The following JRK variants were observed in gnomAD, a reference collection of about 807,000 sequenced individuals.
The protein encoded by JRK is jerky protein homolog.
For synonymous variants in JRK, 303 were observed against 218.1 expected, an observed-to-expected ratio of 1.39 and a Z score of -3.43; for missense variants, 720 against 509.2, an observed-to-expected ratio of 1.41 and a Z score of -3.98.
In JRK at chr8:142,659,872, C is replaced by A; in HGVS notation, c.*4480G>T. 1 of 985,648 alleles carries A rather than the reference C, an allele frequency of 1.0e-6. No homozygotes were observed. The highest frequency in any genetic ancestry group is 1.2e-6 in the Non-Finnish European group (1 of 830,056). 61.1% of individuals were successfully genotyped at this position (985,648 alleles called of 1,614,324 possible). A position where few individuals can be genotyped will look rare whatever the true frequency, so the allele number is the denominator to read the frequency against. ...CCCCTCCCTGGGCCCCAGTCTCATC[C>A]CTAAACAGGAGTGACCCCACCTCAT... is the stretch of plus-strand genomic sequence containing the variant. On this transcript the variant is annotated 3_prime_UTR_variant, in exon 2 of 2. Transcript: ENST00000612905.
chr8:142,653,448 A>G (rs1451372903), downstream of JRK, among the ~76,000 whole-genome samples: 1 of 152,186 alleles, frequency 6.6e-6, no homozygotes, highest in Non-Finnish European at 1.5e-5. Flanking sequence ...ATCATGGCAC[A>G]GTGTGGCCTT....
At chr8:142,645,286 T>C in the JRK span, among the ~76,000 whole-genome samples, 1 of 152,178 alleles carries the variant, frequency 6.6e-6, no homozygotes, top group Non-Finnish European at 1.5e-5. Flanking sequence ...ATGTAATAAA[T>C]TTAATTTTAA....
At chr8:142,667,401 G>A (rs1291353648) in intron 1 of JRK, among the ~76,000 whole-genome samples, 2 of 151,370 alleles carry the variant, frequency 1.3e-5, no homozygotes, top group Non-Finnish European at 1.5e-5. Context: ...CGGCAGGGCC[G>A]CAGAGCCTGC....
downstream of JRK, among the ~76,000 whole-genome samples, chr8:142,654,100 A>G (rs587627084): frequency 2.0e-5 from 3 of 152,254 alleles, no homozygotes; most frequent in South Asian, 6.2e-4. Flanking sequence ...GGGTCTGCTG[A>G]TTGGTATCAA....
chr8:142,653,941 T>G (rs1554633404), downstream of JRK, among the ~76,000 whole-genome samples: 1 of 152,214 alleles, frequency 6.6e-6, no homozygotes, highest in Non-Finnish European at 1.5e-5. Flanking sequence ...TCTATGTATA[T>G]TCAACTCTTT....
the JRK span, among the ~76,000 whole-genome samples, chr8:142,648,483 C>T: frequency 3.3e-5 from 5 of 152,350 alleles, no homozygotes; most frequent in South Asian, 1.0e-3. Flanking sequence ...GAGGGGCCAA[C>T]ATAGAGCTCA....
At position 142,664,471 on chromosome 8, in the gene JRK, T is replaced by G. The variant is rs1554635108; in HGVS notation, c.1588A>C (p.Arg530=). The change falls in exon 2 of 2, where the codon AGG becomes CGG. Residue 530 remains arginine (R), a synonymous_variant. Transcript: ENST00000612905. ...ACAGCCCCGAGGGCACCACGCCGCC[T>G]CCTCACCTGCTGCTGGCTCCGGAAC... The part of the protein sequence containing the change: ...AVFRSQQQVR[R]RRGALGAVVK... 2.5e-6 allele frequency: 4 copies of G among 1,610,698 alleles called. No homozygotes were observed. The highest frequency in any genetic ancestry group is 3.4e-6 in the Non-Finnish European group (4 of 1,178,568).
At chr8:142,645,425 A>G in the JRK span, among the ~76,000 whole-genome samples, 2 of 152,208 alleles carry the variant, frequency 1.3e-5, no homozygotes, top group Admixed American at 6.5e-5. Context: ...CATGCCTGCA[A>G]TCCTAGCACT....
chr8:142,652,960 T>G (rs951487196), downstream of JRK, among the ~76,000 whole-genome samples: 11 of 152,284 alleles, frequency 7.2e-5, no homozygotes, highest in South Asian at 6.2e-4. Context: ...ACTGGCCAGG[T>G]ACCCCACGGT....
At chr8:142,651,712 C>T in the JRK span, among the ~76,000 whole-genome samples, 2 of 152,082 alleles carry the variant, frequency 1.3e-5, no homozygotes, top group Non-Finnish European at 2.9e-5. Context: ...AAGAGCAAAG[C>T]AAAACAAACA....
chr8:142,664,261 C>T lies in JRK; in HGVS notation c.*91G>A. ...GCTCTTGAGTGTCTGCACATGCCCT[C>T]CTGCCTCAGGTGGGGTCGGGGCACA... On this transcript the variant is annotated 3_prime_UTR_variant, in exon 2 of 2. Transcript: ENST00000612905. 13 of 1,448,978 alleles carry T rather than the reference C, an allele frequency of 9.0e-6. No individual in the cohort carries two copies. In the South Asian group the frequency reaches 2.0e-4, roughly 22 times the overall value. The allele number at this position is 1,448,978 out of a possible 1,614,324, so 89.8% of individuals were successfully genotyped here.
intron 1 of JRK, among the ~76,000 whole-genome samples, chr8:142,668,264 G>T (rs73379638): frequency 0.012 from 1,838 of 152,376 alleles, 34 homozygotes; most frequent in African/African-American, 0.042. Flanking sequence ...TCAAGGGAAA[G>T]GAGGAGTGCA....
chr8:142,648,849 C>A, the JRK span, among the ~76,000 whole-genome samples: 1,216 of 152,338 alleles, frequency 8.0e-3, 20 homozygotes, highest in African/African-American at 0.028. Flanking sequence ...ACACTCAACA[C>A]CAGCCCATGA....
chr8:142,658,566 G>A lies in JRK; in HGVS notation c.*5786C>T, dbSNP rs80055830. The A allele has an allele frequency of 1.5e-3, 413 of 267,700 alleles. 1 individual carries two copies. Among genetic ancestry groups the A allele is most frequent in the African/African-American group, 8.3e-3 (375 of 45,450 alleles). 16.6% of individuals were successfully genotyped at this position (267,700 alleles called of 1,614,324 possible). A position where few individuals can be genotyped will look rare whatever the true frequency, so the allele number is the denominator to read the frequency against. ...TGCTCACACAGCACAAAGTGACCTC[G>A]CTCTAGTTCCTTCCTTTTCTTATAA... On this transcript the variant is annotated 3_prime_UTR_variant, in exon 2 of 2. Coordinates refer to ENST00000612905, the MANE Select transcript of JRK (RefSeq NM_003724.4).
chr8:142,664,054 C>T lies in JRK; in HGVS notation c.*298G>A, dbSNP rs1471634099. 7 of 1,202,636 alleles carry T rather than the reference C, an allele frequency of 5.8e-6. No individual in the cohort carries two copies. The South Asian group carries it at 2.2e-4, about 38-fold the overall frequency. 74.5% of individuals were successfully genotyped at this position (1,202,636 alleles called of 1,614,324 possible). On this transcript the variant is annotated 3_prime_UTR_variant, in exon 2 of 2. Transcript: ENST00000612905. Reference sequence around the variant, plus strand: ...ACGAGACCAGATCGGCTCAGCCTGGCCCCCATTCCAGCCAGGGTGCGGCTC... The same window carrying T: ...ACGAGACCAGATCGGCTCAGCCTGGTCCCCATTCCAGCCAGGGTGCGGCTC...
Position 142,668,159 on chromosome 8 carries a change from T to C in JRK, c.-462-1639A>G, listed in dbSNP as rs144915984. 5.2e-3 allele frequency among the ~76,000 whole-genome samples: 786 copies of C among 152,334 alleles called. 4 individuals are homozygous for C. The highest frequency in any genetic ancestry group is 0.017 in the African/African-American group (720 of 41,572). On this transcript the variant is annotated intron_variant, in intron 1 of 1. Transcript: ENST00000612905. ...GAGTTCCCACCTCCCTCCCGCGTCC[T>C]TACCATAGCTGCTTCTGCCAACTCC...
chr8:142,650,386 G>T, the JRK span, among the ~76,000 whole-genome samples: 12 of 152,330 alleles, frequency 7.9e-5, no homozygotes, highest in Non-Finnish European at 1.8e-4. Context: ...CATGAGATTT[G>T]GGAGGGGCCG....
the JRK span, among the ~76,000 whole-genome samples, chr8:142,646,422 T>C: frequency 6.6e-6 from 1 of 152,214 alleles, no homozygotes; most frequent in African/African-American, 2.4e-5. Context: ...TCTTGCTAAA[T>C]TCAAGATGTA....
Position 142,661,685 on chromosome 8 carries a change from T to G in JRK, c.*2667A>C. On this transcript the variant is annotated 3_prime_UTR_variant, in exon 2 of 2. Coordinates refer to ENST00000612905, the MANE Select transcript of JRK (RefSeq NM_003724.4). ...GCTCTGCTCTGGCAAGCTCCAGGGC[T>G]TCCCAGGGGCCTCAGCAGCCCCAGA... 1 of 985,474 alleles carries G rather than the reference T, an allele frequency of 1.0e-6. No homozygotes were observed. Among genetic ancestry groups the G allele is most frequent in the African/African-American group, 1.7e-5 (1 of 57,338 alleles). The allele number at this position is 985,474 out of a possible 1,614,324, so 61.0% of individuals were successfully genotyped here.
Sources: gnomAD v4.1 joint callset for allele counts (sites outside exome capture counted in the v4.1 genomes callset) on GRCh38, gnomAD v4.1.1 for gene constraint, MANE v1.5 for transcripts, NCBI Gene and HGNC (gene_info 2026-07-23, HGNC 2026-07-21) for gene names.